EYS: variants seen among roughly 807,000 people sequenced by gnomAD.
The protein encoded by EYS is protein eyes shut homolog.
EYS carries 250 observed loss-of-function variants against 282.1 expected under a neutral mutation model. That is an observed-to-expected ratio of 0.89 (90% CI 0.80 to 0.98). The LOEUF is 0.98. Among genes scored for constraint, EYS ranks in the 50% least tolerant of loss-of-function variants. The probability of loss-of-function intolerance (pLI) is 0.00; values close to 1 mark genes in which losing one functional copy is unlikely to be tolerated. For missense variants in EYS, 4,016 were observed against 3,709.0 expected (o/e 1.08, Z -2.15); for synonymous variants, 1,355 against 1,282.9 (o/e 1.06, Z -1.20).
chr6:64,403,573 G>A (rs1773609368), intron 28 of EYS, among the ~76,000 whole-genome samples: 1 of 152,086 alleles, frequency 6.6e-6, no homozygotes, highest in Non-Finnish European at 1.5e-5. Context: ...TGGCCAGGCT[G>A]GTCTCGGACT....
At chr6:65,208,909 C>G (rs1184112130) in intron 12 of EYS, among the ~76,000 whole-genome samples, 1 of 151,794 alleles carries the variant, frequency 6.6e-6, no homozygotes, top group Non-Finnish European at 1.5e-5. Context: ...ATTCAAGTCA[C>G]AAACCTACTC....
chr6:65,408,371 C>G (rs1284980080), intron 5 of EYS, among the ~76,000 whole-genome samples: 1 of 151,868 alleles, frequency 6.6e-6, no homozygotes, highest in Non-Finnish European at 1.5e-5. Flanking sequence ...AGATTAGTGC[C>G]AGTTATCGAG....
intron 12 of EYS, among the ~76,000 whole-genome samples, chr6:65,148,128 CA>C (rs1764523266): frequency 6.6e-6 from 1 of 152,036 alleles, no homozygotes; most frequent in African/African-American, 2.4e-5. Context: ...TCTCACATTT[CA>C]AAACAAAAAC....
chr6:65,611,969 T>C (rs1473542255), intron 2 of EYS, among the ~76,000 whole-genome samples: 4 of 151,998 alleles, frequency 2.6e-5, no homozygotes, highest in Admixed American at 2.6e-4. Context: ...TCAAAATTTA[T>C]CTAGTAATAT....
At chr6:65,127,056 A>G (rs1775739684) in intron 12 of EYS, among the ~76,000 whole-genome samples, 1 of 152,140 alleles carries the variant, frequency 6.6e-6, no homozygotes. Flanking sequence ...GAAGCTTGCG[A>G]CAATGAAAAC....
rs1213902247 is a variant in EYS, at chr6:63,999,060, T to G, written c.6834+15A>C. On this transcript the variant is annotated intron_variant, in intron 34 of 42. Coordinates refer to ENST00000503581, the MANE Select transcript of EYS (RefSeq NM_001142800.2). ...GGCACAATTAGTGTTTGGAACTGGA[T>G]ATTTGCATACCTACCTGAGAGGCAT... The G allele has an allele frequency of 6.8e-7, 1 of 1,478,976 alleles. No individual in the cohort carries two copies. The highest frequency in any genetic ancestry group is 1.2e-5 in the South Asian group (1 of 82,546). 91.6% of individuals were successfully genotyped at this position (1,478,976 alleles called of 1,614,324 possible).
intron 2 of EYS, among the ~76,000 whole-genome samples, chr6:65,567,789 T>C (rs1382719107): frequency 1.3e-5 from 2 of 152,164 alleles, no homozygotes; most frequent in Admixed American, 1.3e-4. Context: ...GCTAGTTATA[T>C]TATTCAAATA....
intron 28 of EYS, among the ~76,000 whole-genome samples, chr6:64,404,562 C>A (rs530648677): frequency 6.6e-6 from 1 of 152,224 alleles, no homozygotes; most frequent in South Asian, 2.1e-4. Context: ...AATACTACCA[C>A]GTGTCAGGCA....
chr6:65,262,577 T>C (rs1025431577), intron 12 of EYS, among the ~76,000 whole-genome samples: 8 of 152,206 alleles, frequency 5.3e-5, no homozygotes, highest in Middle Eastern at 6.8e-3. Context: ...TACTTCATCA[T>C]ATATATGATG....
At chr6:64,793,948 T>C (rs1436581399) in intron 22 of EYS, among the ~76,000 whole-genome samples, 1 of 152,186 alleles carries the variant, frequency 6.6e-6, no homozygotes, top group African/African-American at 2.4e-5. Context: ...AGAACTTATT[T>C]ATTTTGCATA....
chr6:64,887,087 T>TA (rs978192485), intron 18 of EYS, among the ~76,000 whole-genome samples: 10 of 151,830 alleles, frequency 6.6e-5, no homozygotes, highest in Non-Finnish European at 1.5e-4. Context: ...TGTAACCTGA[T>TA]AAATACTAGT....
chr6:65,387,393 A>AT (rs1271726959), intron 7 of EYS, among the ~76,000 whole-genome samples: 2 of 151,950 alleles, frequency 1.3e-5, no homozygotes, highest in Non-Finnish European at 2.9e-5. Flanking sequence ...AATTTATAAG[A>AT]TAAAAATCAG....
intron 13 of EYS, among the ~76,000 whole-genome samples, chr6:65,027,279 C>A (rs1408937159): frequency 6.6e-6 from 1 of 152,122 alleles, no homozygotes; most frequent in African/African-American, 2.4e-5. Context: ...GATGTCTTAA[C>A]TTTTCTAATG....
intron 22 of EYS, among the ~76,000 whole-genome samples, chr6:64,660,365 T>C (rs57128573): frequency 0.01 from 1,562 of 151,758 alleles, 20 homozygotes; most frequent in African/African-American, 0.036. Context: ...CTATTCAACA[T>C]AGTGTTGGAA....
intron 31 of EYS, among the ~76,000 whole-genome samples, chr6:64,171,603 A>C (rs1049517278): frequency 3.5e-5 from 5 of 143,062 alleles, no homozygotes; most frequent in Admixed American, 7.1e-5. Flanking sequence ...TGAAGATATA[A>C]TATTGATTAA....
chr6:65,090,010 C>CAA (rs1445338904), intron 12 of EYS, among the ~76,000 whole-genome samples: 14 of 129,698 alleles, frequency 1.1e-4, no homozygotes, highest in African/African-American at 3.7e-4. Flanking sequence ...CACACACAAA[C>CAA]ACACACACAC....
intron 11 of EYS, among the ~76,000 whole-genome samples, chr6:65,309,468 A>G (rs899594528): frequency 2.6e-5 from 4 of 152,190 alleles, no homozygotes; most frequent in African/African-American, 9.7e-5. Flanking sequence ...AATGTTCTCA[A>G]AAAAGCATTA....
chr6:64,681,915 C>T (rs922695660), intron 22 of EYS, among the ~76,000 whole-genome samples: 7 of 152,066 alleles, frequency 4.6e-5, no homozygotes, highest in African/African-American at 1.7e-4. Context: ...CATGTTTTTG[C>T]AACATTTGCT....
intron 35 of EYS, among the ~76,000 whole-genome samples, chr6:63,900,459 A>C (rs1029157164): frequency 9.2e-5 from 14 of 152,180 alleles, no homozygotes; most frequent in African/African-American, 3.4e-4. Context: ...AAAATAGCAC[A>C]CAACTTTCCC....
Sources: allele counts gnomAD v4.1 joint callset (sites outside exome capture counted in the v4.1 genomes callset), GRCh38; gene constraint gnomAD v4.1.1; transcripts MANE v1.5; gene names NCBI Gene and HGNC (gene_info 2026-07-23, HGNC 2026-07-21).